Variants in MEI1 observed in about 807,000 individuals in gnomAD.
MEI1 encodes the protein meiosis inhibitor protein 1.
Under a neutral mutation model 146.2 loss-of-function variants are expected in MEI1, and 103 were observed. That is an observed-to-expected ratio of 0.70 (90% confidence interval 0.60 to 0.83). The LOEUF is 0.83. Among genes scored for constraint, MEI1 ranks in the 40% least tolerant of loss-of-function variants. MEI1 has a pLI of 0.00. For missense variants in MEI1, 1,529 were observed against 1,533.0 expected (o/e 1.00, Z 0.04); for synonymous variants, 652 against 628.2 (o/e 1.04, Z -0.57).
intron 12 of MEI1, 29 bp downstream of exon 12, chr22:41,743,223 A>G: frequency 6.7e-7 from 1 of 1,497,952 alleles, no homozygotes; most frequent in Non-Finnish European, 9.3e-7. Context: ...GCTGCTTCCG[A>G]AGATCATGCT....
At chr22:41,715,953 G>T in intron 4 of MEI1, 88 bp from the exon 5 acceptor site, 1 of 906,126 alleles carries the variant, frequency 1.1e-6, no homozygotes, top group Non-Finnish European at 1.7e-6. Context: ...TGCAATACAG[G>T]CATTGGTGTG....
chr22:41,748,243 T>G, intron 15 of MEI1, 25 bp downstream of exon 15: 1 of 1,518,562 alleles, frequency 6.6e-7, no homozygotes, highest in Non-Finnish European at 9.1e-7. Context: ...AATGTGGAGG[T>G]TGGGAGGGAG....
chr22:41,761,816 C>T (rs995630074), intron 18 of MEI1, among the ~76,000 whole-genome samples: 5 of 152,212 alleles, frequency 3.3e-5, no homozygotes, highest in African/African-American at 1.2e-4. Context: ...AATCAACAAT[C>T]TGTTCTGTCT....
At chr22:41,747,790 G>A (rs564824693) in intron 14 of MEI1, among the ~76,000 whole-genome samples, 44 of 130,604 alleles carry the variant, frequency 3.4e-4, no homozygotes, top group African/African-American at 1.1e-3. Flanking sequence ...TATTACTATC[G>A]TAATAGAAAC....
chr22:41,702,513 C>A (rs940143255), intron 1 of MEI1, among the ~76,000 whole-genome samples: 8 of 150,872 alleles, frequency 5.3e-5, no homozygotes, highest in Non-Finnish European at 7.4e-5. Context: ...ATGGCGCGAT[C>A]TTGGCTCACC....
rs1019496354 is a variant in MEI1 at position 41,745,816 on chromosome 22, C to G, written c.1539-69C>G. The G allele has an allele frequency of 6.1e-6, 9 of 1,472,298 alleles. No individual in the cohort carries two copies. In the South Asian group the frequency reaches 8.6e-5, roughly 14 times the overall value. The allele number at this position is 1,472,298 out of a possible 1,614,324, so 91.2% of individuals were successfully genotyped here. A position where few individuals can be genotyped will look rare whatever the true frequency, so the allele number is the denominator to read the frequency against. ...GAGCACAGGCACTCCCCGCCACCCCCCAGGAAGCTGTTTGTAACCTTTAGG... is the reference window on the plus strand; with the variant it reads ...GAGCACAGGCACTCCCCGCCACCCCGCAGGAAGCTGTTTGTAACCTTTAGG... On this transcript the variant is annotated intron_variant, in intron 13 of 30. Transcript: ENST00000401548.
At chr22:41,761,109 C>A (rs997202101) in intron 18 of MEI1, among the ~76,000 whole-genome samples, 1 of 152,004 alleles carries the variant, frequency 6.6e-6, no homozygotes, top group South Asian at 2.1e-4. Flanking sequence ...TTCAGGAGTT[C>A]AAGACCAACA....
Position 41,713,570 on chromosome 22 carries a change from A to G in MEI1, c.350-432A>G, listed in dbSNP as rs2069808103. The stretch of plus-strand genomic sequence containing the variant: ...TTTTGTTTTGTTTTGTTTTTGAGAC[A>G]GAGTTTTTGCTCTCGTTGCCCATGC... On this transcript the variant is annotated intron_variant, in intron 3 of 30. Coordinates refer to ENST00000401548, the MANE Select transcript of MEI1 (RefSeq NM_152513.4). 3.9e-5 allele frequency among the ~76,000 whole-genome samples: 6 copies of G among 152,074 alleles called. No individual in the cohort carries two copies. In the South Asian group the frequency reaches 1.0e-3, roughly 26 times the overall value.
chr22:41,745,972 C>T lies in MEI1; in HGVS notation c.1626C>T (p.Ala542=). 6.2e-7 allele frequency: 1 copy of T among 1,613,258 alleles called. No individual in the cohort carries two copies. ...CCAAGAAGGAAGACACCTTGGAGGCCTTCTCAGAATTTCTTCTCAGTGCCT... is the reference window on the plus strand; with the variant it reads ...CCAAGAAGGAAGACACCTTGGAGGCTTTCTCAGAATTTCTTCTCAGTGCCT... ...PSAKKEDTLE[A]FSEFLLSACD... is the part of the protein sequence containing the mutation. Residue 542 remains alanine (A), a synonymous_variant, in exon 14 of 31, where the codon GCC becomes GCT. Coordinates refer to ENST00000401548, the MANE Select transcript of MEI1 (RefSeq NM_152513.4).
intron 27 of MEI1, 120 bp from the exon 28 acceptor site, chr22:41,794,251 C>A: frequency 1.2e-6 from 1 of 840,024 alleles, no homozygotes; most frequent in Non-Finnish European, 2.0e-6. Flanking sequence ...CTTGGGTCAG[C>A]TTGTTCAGTG....
chr22:41,737,768 C>G (rs1242301198), intron 11 of MEI1, among the ~76,000 whole-genome samples: 2 of 152,044 alleles, frequency 1.3e-5, no homozygotes, highest in Non-Finnish European at 2.9e-5. Flanking sequence ...AGCTAAAGGA[C>G]CTTGTCAGTT....
chr22:41,753,942 C>A lies in MEI1; in HGVS notation c.1854-7C>A. The A allele has an allele frequency of 6.3e-7, 1 of 1,592,014 alleles. No individual in the cohort carries two copies. On this transcript the variant is annotated splice_region_variant and splice_polypyrimidine_tract_variant and intron_variant, in intron 16 of 30. Transcript: ENST00000401548. ...TCTCTTCTATTCTTTCTTCTTCTCC[C>A]TCTAAGTCACTCAGCCCTAAACCAG...
At chr22:41,776,348 C>G (rs919042951) in intron 21 of MEI1, 81 bp downstream of exon 21, 3 of 1,453,904 alleles carry the variant, frequency 2.1e-6, no homozygotes, top group African/African-American at 2.8e-5. Context: ...TAGGTCTGCT[C>G]CAGGAGAGAG....
intron 19 of MEI1, chr22:41,767,502 T>C (rs981871202): frequency 2.7e-5 from 12 of 448,694 alleles, no homozygotes; most frequent in Admixed American, 7.1e-5. Context: ...ATAGCCAGAG[T>C]GTGGGTGTCT....
chr22:41,753,317 TG>T (rs780822634), intron 16 of MEI1, among the ~76,000 whole-genome samples: 1 of 151,864 alleles, frequency 6.6e-6, no homozygotes, highest in South Asian at 2.1e-4. Context: ...AGTTTTGTGT[TG>T]TTTTTTTTTT....
chr22:41,777,063 C>T (rs1211393167), intron 21 of MEI1, among the ~76,000 whole-genome samples: 1 of 152,032 alleles, frequency 6.6e-6, no homozygotes, highest in African/African-American at 2.4e-5. Flanking sequence ...GTGATCCGCC[C>T]ACCTCAGCCT....
chr22:41,795,752 C>T lies in MEI1; in HGVS notation c.3684C>T (p.His1228=). Residue 1228 remains histidine (H), a synonymous_variant, in exon 30 of 31, where the codon CAC becomes CAT. Transcript: ENST00000401548. This position sits in a 1 kb window ranked among gnomAD's most constrained non-coding sequence, Gnocchi z 4.2. ...GFFQQLQSMG[H]LADHSMAQTL... ...CCCTGCAGCTCCAGAGCATGGGACA[C>T]CTGGCTGACCACAGCATGGCCCAGA... is the stretch of plus-strand genomic sequence containing the variant. 6.2e-7 allele frequency: 1 copy of T among 1,613,680 alleles called. No individual in the cohort carries two copies. The highest frequency in any genetic ancestry group is 8.5e-7 in the Non-Finnish European group (1 of 1,179,758).
At chr22:41,699,857 G>A in intron 1 of MEI1, 145 bp downstream of exon 1, 1 of 1,110,948 alleles carries the variant, frequency 9.0e-7, no homozygotes, top group Non-Finnish European at 1.2e-6. Flanking sequence ...CTGTCAGCCC[G>A]TCCCGGACCC....
intron 3 of MEI1, among the ~76,000 whole-genome samples, chr22:41,713,146 T>G (rs895249842): frequency 2.0e-5 from 3 of 152,082 alleles, no homozygotes; most frequent in Admixed American, 2.0e-4. Context: ...TAGGTGAGTC[T>G]AATGTGCAGC....
Sources: allele counts gnomAD v4.1 joint callset (sites outside exome capture counted in the v4.1 genomes callset), GRCh38; gene constraint gnomAD v4.1.1; non-coding constraint Gnocchi (gnomAD v3.1); transcripts MANE v1.5; gene names NCBI Gene and HGNC (gene_info 2026-07-23, HGNC 2026-07-21).